Variants in STXBP5L observed in about 807,000 individuals in gnomAD.
The protein encoded by STXBP5L is syntaxin binding protein 5L.
STXBP5L carries 65 observed loss-of-function variants against 144.5 expected under a neutral mutation model. That is an observed-to-expected ratio of 0.45 (90% confidence interval 0.37 to 0.55). STXBP5L has a LOEUF of 0.55. Among genes scored for constraint, STXBP5L ranks in the 20% least tolerant of loss-of-function variants. The pLI, the probability that STXBP5L is intolerant of heterozygous loss-of-function variation, is 0.00. For missense variants in STXBP5L, 1,298 were observed against 1,405.5 expected, an observed-to-expected ratio of 0.92 and a Z score of 1.22; for synonymous variants, 505 against 469.6, an observed-to-expected ratio of 1.08 and a Z score of -0.97.
At chr3:120,966,725 G>T (rs1443063989) in intron 3 of STXBP5L, among the ~76,000 whole-genome samples, 1 of 152,152 alleles carries the variant, frequency 6.6e-6, no homozygotes, top group Non-Finnish European at 1.5e-5. Flanking sequence ...CCTACTGGGA[G>T]GTGTGTTCCA....
At chr3:121,138,345 A>G (rs1462000035) in intron 7 of STXBP5L, among the ~76,000 whole-genome samples, 1 of 152,132 alleles carries the variant, frequency 6.6e-6, no homozygotes, top group Non-Finnish European at 1.5e-5. Flanking sequence ...AGTGTGATCT[A>G]TAGATTCAAT....
At chr3:120,968,856 A>G (rs187236443) in intron 3 of STXBP5L, among the ~76,000 whole-genome samples, 7 of 152,212 alleles carry the variant, frequency 4.6e-5, no homozygotes, top group Non-Finnish European at 1.5e-5. Context: ...CGCTCCATCT[A>G]AGTTCCTGCA....
At chr3:121,256,548 T>C (rs1227526908) in intron 16 of STXBP5L, among the ~76,000 whole-genome samples, 1 of 151,952 alleles carries the variant, frequency 6.6e-6, no homozygotes, top group Non-Finnish European at 1.5e-5. Flanking sequence ...TCTGATCTGC[T>C]AATTAGATTA....
intron 3 of STXBP5L, among the ~76,000 whole-genome samples, chr3:120,988,490 T>G (rs1942517057): frequency 1.3e-5 from 2 of 152,064 alleles, no homozygotes; most frequent in Non-Finnish European, 2.9e-5. Flanking sequence ...TTGTTTTAAA[T>G]TTTAAAGTTT....
rs905960543 is a variant in STXBP5L at position 121,091,803 on chromosome 3, T to G, written c.471-23122T>G. The stretch of plus-strand genomic sequence containing the variant: ...AATTAGATCCCATTTGTCAATTTTG[T>G]CTTTTATTGCCATTGCTTTTGGTGT... On this transcript the variant is annotated intron_variant, in intron 5 of 26. Transcript: ENST00000471454. 7.0e-4 allele frequency among the ~76,000 whole-genome samples: 106 copies of G among 152,136 alleles called. No individual in the cohort carries two copies. In the East Asian group the frequency reaches 0.017, roughly 24 times the overall value.
At chr3:121,061,148 T>C (rs926280989) in intron 5 of STXBP5L, among the ~76,000 whole-genome samples, 4 of 152,202 alleles carry the variant, frequency 2.6e-5, no homozygotes, top group Admixed American at 2.6e-4. Context: ...TTTAGCTGTG[T>C]CCCAGAGATT....
intron 20 of STXBP5L, among the ~76,000 whole-genome samples, chr3:121,372,123 A>C (rs1458414750): frequency 6.6e-6 from 1 of 152,062 alleles, no homozygotes; most frequent in African/African-American, 2.4e-5. Context: ...CTGCTGGAGC[A>C]CTCTGCCAGT....
At chr3:121,139,266 A>C (rs1378768560) in intron 7 of STXBP5L, among the ~76,000 whole-genome samples, 1 of 152,084 alleles carries the variant, frequency 6.6e-6, no homozygotes, top group African/African-American at 2.4e-5. Flanking sequence ...TAAATGATGA[A>C]TATTTAAGGT....
intron 20 of STXBP5L, among the ~76,000 whole-genome samples, chr3:121,322,440 T>A (rs1397859649): frequency 6.8e-6 from 1 of 146,532 alleles, no homozygotes; most frequent in African/African-American, 2.5e-5. Flanking sequence ...ATAGTACCAT[T>A]GCACTCCAGC....
At chr3:121,240,148 C>T (rs2049620975) in intron 13 of STXBP5L, among the ~76,000 whole-genome samples, 1 of 152,014 alleles carries the variant, frequency 6.6e-6, no homozygotes, top group Non-Finnish European at 1.5e-5. Flanking sequence ...GGTACACAGA[C>T]TATATGATGC....
chr3:121,349,821 C>T (rs1205149526), intron 20 of STXBP5L, among the ~76,000 whole-genome samples: 1 of 152,056 alleles, frequency 6.6e-6, no homozygotes, highest in Non-Finnish European at 1.5e-5. Context: ...GTAGATCTTC[C>T]TCCATCCGTT....
rs180915507 is a variant in STXBP5L at position 120,986,985 on chromosome 3, C to G, written c.287+31948C>G. 3.4e-3 allele frequency among the ~76,000 whole-genome samples: 523 copies of G among 151,788 alleles called. 6 individuals carry two copies. The highest frequency in any genetic ancestry group is 3.4e-3 in the Middle Eastern group (1 of 294). On this transcript the variant is annotated intron_variant, in intron 3 of 26. Coordinates refer to ENST00000471454, the MANE Select transcript of STXBP5L (RefSeq NM_001308330.2). ...GGACCAACATGTGTATAGTGGGAAT[C>G]CCAGAAAGAAAAAAGAAAGTTATAG...
intron 3 of STXBP5L, among the ~76,000 whole-genome samples, chr3:120,992,313 C>T (rs747391617): frequency 6.6e-6 from 1 of 152,066 alleles, no homozygotes; most frequent in Non-Finnish European, 1.5e-5. Flanking sequence ...ATTTTAAGTC[C>T]TGTCTCCTAG....
At chr3:121,214,123 GT>G (rs1360567431) in intron 10 of STXBP5L, among the ~76,000 whole-genome samples, 1 of 152,002 alleles carries the variant, frequency 6.6e-6, no homozygotes, top group Non-Finnish European at 1.5e-5. Context: ...CTGGCTAGTT[GT>G]CTATGTATTT....
At chr3:120,999,397 A>G (rs1007115904) in intron 3 of STXBP5L, among the ~76,000 whole-genome samples, 3 of 152,124 alleles carry the variant, frequency 2.0e-5, no homozygotes, top group Non-Finnish European at 4.4e-5. Flanking sequence ...AGCAACCCCA[A>G]TTCTTTTTTC....
Position 121,105,939 on chromosome 3 carries a change from A to G in STXBP5L, c.471-8986A>G, listed in dbSNP as rs569821351. Among the ~76,000 whole-genome samples, 15 of 152,294 alleles carry G rather than the reference A, an allele frequency of 9.8e-5. No individual in the cohort carries two copies. The East Asian group carries it at 2.7e-3, about 27-fold the overall frequency. Reference sequence around the variant, plus strand: ...TTTTATTTTGTTTTTATACCTAAGTAAAATTTCTAAGAGTAAGTCAAAAGT... The same window carrying G: ...TTTTATTTTGTTTTTATACCTAAGTGAAATTTCTAAGAGTAAGTCAAAAGT... On this transcript the variant is annotated intron_variant, in intron 5 of 26. Transcript: ENST00000471454.
chr3:121,095,236 A>G (rs1576937278), intron 5 of STXBP5L, among the ~76,000 whole-genome samples: 1 of 151,760 alleles, frequency 6.6e-6, no homozygotes, highest in South Asian at 2.1e-4. Context: ...CTTCATTTCA[A>G]CTTTGGTGAA....
intron 5 of STXBP5L, among the ~76,000 whole-genome samples, chr3:121,069,314 G>T (rs2041698074): frequency 6.6e-6 from 1 of 152,184 alleles, no homozygotes; most frequent in South Asian, 2.1e-4. Context: ...CATTCAAGTT[G>T]TGTACATCAA....
At chr3:121,259,269 C>A in intron 18 of STXBP5L, 101 bp downstream of exon 18, 2 of 915,186 alleles carry the variant, frequency 2.2e-6, no homozygotes, top group South Asian at 8.9e-5. Context: ...GAAGCCCTTA[C>A]CTGGATTTTT....
Sources: gnomAD v4.1 joint callset for allele counts (sites outside exome capture counted in the v4.1 genomes callset) on GRCh38, gnomAD v4.1.1 for gene constraint, MANE v1.5 for transcripts, NCBI Gene and HGNC (gene_info 2026-07-23, HGNC 2026-07-21) for gene names.